The following IL19 variants were observed in gnomAD, a reference collection of about 807,000 sequenced individuals.
The protein encoded by IL19 is interleukin-19.
In IL19, 15 loss-of-function variants were observed where a neutral mutation model predicts 19.5. The observed-to-expected ratio is 0.77, with a 90% CI of 0.52 to 1.19. IL19 has a LOEUF of 1.19. IL19 is among the 50% of genes most tolerant of loss of function. The pLI, the probability that IL19 is intolerant of heterozygous loss-of-function variation, is 0.00. For synonymous variants in IL19, 78 were observed against 78.3 expected (o/e 1.00, Z 0.02); for missense variants, 199 against 213.1 (o/e 0.93, Z 0.41).
chr1:206,832,151 C>T (rs1048352811), intron 2 of IL19, among the ~76,000 whole-genome samples: 6 of 152,374 alleles, frequency 3.9e-5, no homozygotes, highest in African/African-American at 1.4e-4. Flanking sequence ...AAGAGTAGCT[C>T]TTTGCACCCT....
intron 1 of IL19, among the ~76,000 whole-genome samples, chr1:206,773,912 A>G (rs376657758): frequency 1.3e-5 from 2 of 152,104 alleles, no homozygotes; most frequent in African/African-American, 2.4e-5. Context: ...TCTGTTTTTC[A>G]TCTGTCCCAA....
chr1:206,800,454 C>T (rs960940441), intron 2 of IL19, among the ~76,000 whole-genome samples: 23 of 152,038 alleles, frequency 1.5e-4, no homozygotes, highest in Non-Finnish European at 2.4e-4. Context: ...GAGGAAGTGC[C>T]GTAAGACCCC....
At chr1:206,834,190 T>C in intron 2 of IL19, 1 of 985,262 alleles carries the variant, frequency 1.0e-6, no homozygotes, top group Non-Finnish European at 1.2e-6. Context: ...TAATGATTAA[T>C]CAGCTATATC....
intron 1 of IL19, among the ~76,000 whole-genome samples, chr1:206,788,667 C>T (rs188723262): frequency 1.2e-3 from 182 of 152,308 alleles, no homozygotes; most frequent in Non-Finnish European, 1.2e-3. Flanking sequence ...TTGCCCCTCA[C>T]TGCCCCAGGA....
chr1:206,813,527 C>T (rs1315275103), intron 2 of IL19, among the ~76,000 whole-genome samples: 1 of 152,056 alleles, frequency 6.6e-6, no homozygotes, highest in Non-Finnish European at 1.5e-5. Context: ...TCCCTGTGAA[C>T]TAAGACAACA....
At chr1:206,781,261 T>C (rs965605168) in intron 1 of IL19, among the ~76,000 whole-genome samples, 1 of 151,630 alleles carries the variant, frequency 6.6e-6, no homozygotes, top group African/African-American at 2.4e-5. Flanking sequence ...CTGGCCAACA[T>C]GGTGAAACCC....
chr1:206,813,376 T>A (rs559654747), intron 2 of IL19, among the ~76,000 whole-genome samples: 2 of 152,308 alleles, frequency 1.3e-5, no homozygotes, highest in East Asian at 3.9e-4. Context: ...AACTTTTTTT[T>A]TCCCTTGTAG....
Position 206,841,016 on chromosome 1 carries a change from C to CAG in IL19, c.377_378dup (p.Cys127SerfsTer39). On this transcript the variant is annotated frameshift_variant, in exon 6 of 7. Transcript: ENST00000659997. LOFTEE classifies it high-confidence loss of function. ...CACTTTATCACAGCAGGAACAGAGG[C>CAG]AGTGTCACTGCAGGCAGGAAGCCAC... 6.2e-7 allele frequency: 1 copy of CAG among 1,613,924 alleles called. No individual in the cohort carries two copies. The highest frequency in any genetic ancestry group is 8.5e-7 in the Non-Finnish European group (1 of 1,179,816).
chr1:206,820,347 C>A (rs1390997452), intron 2 of IL19, among the ~76,000 whole-genome samples: 1 of 152,208 alleles, frequency 6.6e-6, no homozygotes, highest in Non-Finnish European at 1.5e-5. Flanking sequence ...CAACCCATTT[C>A]TACTCTTATC....
chr1:206,821,624 C>A (rs1055087766), intron 2 of IL19, among the ~76,000 whole-genome samples: 4 of 152,166 alleles, frequency 2.6e-5, no homozygotes, highest in Non-Finnish European at 4.4e-5. Context: ...AGGCTCAGTC[C>A]CTGCTCTAGC....
At chr1:206,787,936 CT>C (rs1052705692) in intron 1 of IL19, among the ~76,000 whole-genome samples, 4 of 152,194 alleles carry the variant, frequency 2.6e-5, no homozygotes, top group African/African-American at 4.8e-5. Flanking sequence ...TCAGGTCTCG[CT>C]TTCCTTTCCA....
rs2243163 is a variant in IL19, at chr1:206,834,986, TA to T, written c.-2-1672del. 1.9e-3 allele frequency among the ~76,000 whole-genome samples: 291 copies of T among 152,306 alleles called. 1 individual carries two copies. The highest frequency in any genetic ancestry group is 6.7e-3 in the African/African-American group (278 of 41,562). Reference sequence around the variant, plus strand: ...TACTTCATAGGGTGGTTGTGAGCATTAAATGAGAAAATTACGTAAAATTCTT... The same window carrying T: ...TACTTCATAGGGTGGTTGTGAGCATTAATGAGAAAATTACGTAAAATTCTT... On this transcript the variant is annotated intron_variant, in intron 2 of 6. Coordinates refer to ENST00000659997, the MANE Select transcript of IL19 (RefSeq NM_153758.5).
intron 2 of IL19, among the ~76,000 whole-genome samples, chr1:206,827,255 T>G (rs1676461119): frequency 1.3e-5 from 2 of 152,202 alleles, no homozygotes; most frequent in South Asian, 4.1e-4. Flanking sequence ...ATAGAAATAT[T>G]ATTTTTTTCT....
At chr1:206,813,345 C>A (rs1268490946) in intron 2 of IL19, among the ~76,000 whole-genome samples, 1 of 152,184 alleles carries the variant, frequency 6.6e-6, no homozygotes, top group Non-Finnish European at 1.5e-5. Flanking sequence ...GAGTGTTACC[C>A]CAGAGAAGCT....
At chr1:206,829,664 T>A (rs1000221830) in intron 2 of IL19, among the ~76,000 whole-genome samples, 1 of 151,876 alleles carries the variant, frequency 6.6e-6, no homozygotes, top group Non-Finnish European at 1.5e-5. Context: ...CAAGACTGGG[T>A]TTGCATTTTA....
At chr1:206,783,445 T>C (rs1049699131) in intron 1 of IL19, among the ~76,000 whole-genome samples, 1 of 152,216 alleles carries the variant, frequency 6.6e-6, no homozygotes, top group Admixed American at 6.5e-5. Flanking sequence ...GTACCTTGGC[T>C]TTTGGGTGAT....
At chr1:206,832,839 T>A (rs369510846) in intron 2 of IL19, among the ~76,000 whole-genome samples, 2 of 152,200 alleles carry the variant, frequency 1.3e-5, no homozygotes. Context: ...TTTTATTATG[T>A]CCAAGATGCT....
chr1:206,840,934 G>A (rs1389674886), intron 5 of IL19, 70 bp from the exon 6 acceptor site: 77 of 1,241,870 alleles, frequency 6.2e-5, no homozygotes, highest in Non-Finnish European at 8.3e-5. Context: ...TTCTCATGTG[G>A]GGAGGCAGGA....
intron 2 of IL19, among the ~76,000 whole-genome samples, chr1:206,824,425 G>T (rs1399012135): frequency 1.3e-5 from 2 of 152,176 alleles, no homozygotes; most frequent in Non-Finnish European, 2.9e-5. Flanking sequence ...GAAGAGTATT[G>T]GTGGAATAGA....
Sources: allele counts gnomAD v4.1 joint callset (sites outside exome capture counted in the v4.1 genomes callset), GRCh38; gene constraint gnomAD v4.1.1; transcripts MANE v1.5; gene names NCBI Gene and HGNC (gene_info 2026-07-23, HGNC 2026-07-21).